Variants in NCMAP observed in about 807,000 individuals in gnomAD.
NCMAP encodes the protein non-compact myelin associated protein.
In NCMAP, 8 loss-of-function variants were observed where a neutral mutation model predicts 7.8. That is an observed-to-expected ratio of 1.02 (90% CI 0.60 to 1.84). The LOEUF (loss-of-function observed/expected upper bound fraction) is 1.84, where lower values mean the gene tolerates loss of function less well. NCMAP is among the 40% of genes most tolerant of loss of function. The pLI is 0.00. For missense variants in NCMAP, 112 were observed against 131.4 expected, an observed-to-expected ratio of 0.85 and a Z score of 0.72; for synonymous variants, 41 against 52.9, an observed-to-expected ratio of 0.78 and a Z score of 0.98.
At chr1:24,560,449 G>A (rs1230477601) in intron 1 of NCMAP, among the ~76,000 whole-genome samples, 2 of 152,200 alleles carry the variant, frequency 1.3e-5, no homozygotes, top group Non-Finnish European at 2.9e-5. Flanking sequence ...TCCACCTGGG[G>A]TGTTTCCTTA....
At chr1:24,602,598 T>C (rs926516936) in intron 3 of NCMAP, among the ~76,000 whole-genome samples, 3 of 123,286 alleles carry the variant, frequency 2.4e-5, no homozygotes, top group Non-Finnish European at 3.5e-5. Flanking sequence ...AAAAAGAATA[T>C]GAATATTATT....
chr1:24,580,586 G>C (rs1651715776), intron 1 of NCMAP, among the ~76,000 whole-genome samples: 1 of 151,982 alleles, frequency 6.6e-6, no homozygotes, highest in African/African-American at 2.4e-5. Context: ...GAGTAGCTGG[G>C]ACTACAGGCA....
rs138798435 is a variant in NCMAP at position 24,581,188 on chromosome 1, C to T, written c.-7-14236C>T. Among the ~76,000 whole-genome samples the T allele has an allele frequency of 2.0e-3, 298 of 151,698 alleles. 2 individuals carry two copies. Among genetic ancestry groups the T allele is most frequent in the African/African-American group, 6.4e-3 (263 of 41,344 alleles). On this transcript the variant is annotated intron_variant, in intron 1 of 3. Coordinates refer to ENST00000374392, the MANE Select transcript of NCMAP (RefSeq NM_001010980.5). ...CTGGAGAGCAGTGGTGCTATTTTGGCTCACTGCAACCTCCACTTCCCAGGT... is the reference window on the plus strand; with the variant it reads ...CTGGAGAGCAGTGGTGCTATTTTGGTTCACTGCAACCTCCACTTCCCAGGT...
chr1:24,593,639 C>T (rs1361851541), intron 1 of NCMAP, among the ~76,000 whole-genome samples: 3 of 152,074 alleles, frequency 2.0e-5, no homozygotes, highest in African/African-American at 4.8e-5. Context: ...AATTTATACA[C>T]CATTTTTTAA....
intron 1 of NCMAP, among the ~76,000 whole-genome samples, chr1:24,564,198 G>A (rs1651144534): frequency 6.6e-6 from 1 of 152,066 alleles, no homozygotes; most frequent in African/African-American, 2.4e-5. Context: ...AAGAAACAGA[G>A]ACAACACATA....
chr1:24,606,039 C>A lies in NCMAP; in HGVS notation c.*292C>A, dbSNP rs998580693. On this transcript the variant is annotated 3_prime_UTR_variant, in exon 4 of 4. Transcript: ENST00000374392. ...CACCAATGTGGGCTTGGCTTTCCCC[C>A]ACACTGTAGTTAGACAGATAGACAG... is the stretch of plus-strand genomic sequence containing the variant. The A allele has an allele frequency of 2.4e-5, 9 of 376,708 alleles. No homozygotes were observed. Among genetic ancestry groups the A allele is most frequent in the East Asian group, 1.9e-4 (4 of 20,758 alleles). 23.3% of individuals were successfully genotyped at this position (376,708 alleles called of 1,614,324 possible).
At chr1:24,593,087 A>G (rs978677230) in intron 1 of NCMAP, among the ~76,000 whole-genome samples, 1 of 151,926 alleles carries the variant, frequency 6.6e-6, no homozygotes, top group African/African-American at 2.4e-5. Flanking sequence ...CTGAGGCAGG[A>G]GAATCACTTG....
At chr1:24,566,060 C>G (rs571157383) in intron 1 of NCMAP, among the ~76,000 whole-genome samples, 3 of 152,282 alleles carry the variant, frequency 2.0e-5, no homozygotes, top group African/African-American at 7.2e-5. Flanking sequence ...CTTCTCCTTC[C>G]TCCATGACTG....
intron 3 of NCMAP, 131 bp downstream of exon 3, chr1:24,601,155 C>A: frequency 1.5e-6 from 1 of 681,290 alleles, no homozygotes; most frequent in East Asian, 2.6e-5. Context: ...TGCTCTAACC[C>A]TTGGGGATCC....
At position 24,576,089 on chromosome 1, in the gene NCMAP, G is replaced by A. The variant is rs565831024; in HGVS notation, c.-7-19335G>A. On this transcript the variant is annotated intron_variant, in intron 1 of 3. Coordinates refer to ENST00000374392, the MANE Select transcript of NCMAP (RefSeq NM_001010980.5). The surrounding 1 kb of genome is among the most constrained non-coding windows in gnomAD (Gnocchi z 4.0). ...TCCAGAGCTTCTCCTGCCCTCCCTC[G>A]CTGTCCCCATCCTCCACCCTCACCA... is the stretch of plus-strand genomic sequence containing the variant. Among the ~76,000 whole-genome samples, 11 of 151,976 alleles carry A rather than the reference G, an allele frequency of 7.2e-5. No homozygotes were observed. Among genetic ancestry groups the A allele is most frequent in the Admixed American group, 2.6e-4 (4 of 15,242 alleles).
chr1:24,564,883 T>TA (rs901146233), intron 1 of NCMAP, among the ~76,000 whole-genome samples: 1 of 151,928 alleles, frequency 6.6e-6, no homozygotes. Context: ...ACTAGTAATT[T>TA]AAAAAAAAGA....
intron 1 of NCMAP, among the ~76,000 whole-genome samples, chr1:24,561,011 C>T (rs1161900188): frequency 6.6e-6 from 1 of 151,854 alleles, no homozygotes; most frequent in Non-Finnish European, 1.5e-5. Context: ...GGCGATTTTG[C>T]CTTCATGGGA....
chr1:24,598,001 T>A (rs572891156), intron 2 of NCMAP, among the ~76,000 whole-genome samples: 11 of 152,250 alleles, frequency 7.2e-5, no homozygotes, highest in South Asian at 4.2e-4. Flanking sequence ...GCATTGCAAC[T>A]GGCATCTAGT....
rs74062022 is a variant in NCMAP at position 24,594,556 on chromosome 1, A to C, written c.-7-868A>C. Among the ~76,000 whole-genome samples, 1,149 of 152,260 alleles carry C rather than the reference A, an allele frequency of 7.5e-3. 18 individuals carry two copies. Among genetic ancestry groups the C allele is most frequent in the African/African-American group, 0.026 (1,098 of 41,554 alleles). ...TGAGACAGAGCCTGGTACATGGTAG[A>C]TTCCCAAACTGCATTAACTCTCTTC... On this transcript the variant is annotated intron_variant, in intron 1 of 3. Transcript: ENST00000374392.
At chr1:24,587,779 C>G (rs1651934411) in intron 1 of NCMAP, among the ~76,000 whole-genome samples, 1 of 152,036 alleles carries the variant, frequency 6.6e-6, no homozygotes, top group Non-Finnish European at 1.5e-5. Context: ...TCCCAAAATG[C>G]TGGGATTATA....
At chr1:24,604,739 TG>T (rs1169299431) in intron 3 of NCMAP, among the ~76,000 whole-genome samples, 1 of 144,586 alleles carries the variant, frequency 6.9e-6, no homozygotes, top group Non-Finnish European at 1.5e-5. Flanking sequence ...CCCAGCACTT[TG>T]GGAGGCCAAG....
At chr1:24,561,571 T>C (rs765903376) in intron 1 of NCMAP, among the ~76,000 whole-genome samples, 2 of 152,096 alleles carry the variant, frequency 1.3e-5, no homozygotes, top group Non-Finnish European at 2.9e-5. Flanking sequence ...GCCAGGCCCT[T>C]CACTGTGGAA....
At chr1:24,562,982 G>A (rs1259032039) in intron 1 of NCMAP, among the ~76,000 whole-genome samples, 4 of 152,166 alleles carry the variant, frequency 2.6e-5, no homozygotes, top group African/African-American at 4.8e-5. Context: ...CCCTGGGGGG[G>A]GACAGGAACT....
intron 3 of NCMAP, among the ~76,000 whole-genome samples, chr1:24,602,569 C>CAAA (rs10630961): frequency 0.26 from 10,292 of 39,898 alleles, 1,929 homozygotes; most frequent in East Asian, 0.41. Context: ...GACTCCATCT[C>CAAA]AAAAAAAAAA....
Sources: allele counts gnomAD v4.1 joint callset (sites outside exome capture counted in the v4.1 genomes callset), GRCh38; gene constraint gnomAD v4.1.1; non-coding constraint Gnocchi (gnomAD v3.1); transcripts MANE v1.5; gene names NCBI Gene and HGNC (gene_info 2026-07-23, HGNC 2026-07-21).